Variants in IL19 observed in about 807,000 individuals in gnomAD.
IL19 encodes the protein interleukin-19.
Under a neutral mutation model 19.5 loss-of-function variants are expected in IL19, and 15 were observed. That is an observed-to-expected ratio of 0.77 (90% CI 0.52 to 1.19). The LOEUF (loss-of-function observed/expected upper bound fraction) is 1.19. IL19 is among the 50% of genes most tolerant of loss of function. The pLI is 0.00. For synonymous variants in IL19, 78 were observed against 78.3 expected (o/e 1.00, Z 0.02); for missense variants, 199 against 213.1 (o/e 0.93, Z 0.41).
chr1:206,819,498 C>T (rs1180548393), intron 2 of IL19, among the ~76,000 whole-genome samples: 3 of 151,796 alleles, frequency 2.0e-5, no homozygotes, highest in Admixed American at 6.6e-5. Flanking sequence ...GCAGAAGAAT[C>T]CCTTGAACCT....
Position 206,789,138 on chromosome 1 carries a change from C to T in IL19, c.-148-9723C>T, listed in dbSNP as rs535477762. Among the ~76,000 whole-genome samples the T allele has an allele frequency of 1.1e-4, 17 of 152,300 alleles. 2 individuals carry two copies. In the South Asian group the frequency reaches 3.5e-3, roughly 32 times the overall value. ...TGTAGGGTTAGATAGAGAGGACTGA[C>T]TGGAAAGTGATTTGATGATCTGAAG... On this transcript the variant is annotated intron_variant, in intron 1 of 6. Coordinates refer to ENST00000659997, the MANE Select transcript of IL19 (RefSeq NM_153758.5).
chr1:206,836,573 G>A, intron 2 of IL19, 88 bp from the exon 3 acceptor site: 9 of 1,280,666 alleles, frequency 7.0e-6, no homozygotes, highest in Admixed American at 4.6e-5. Context: ...GCTTGCCTTC[G>A]AGGCTGGAAA....
chr1:206,777,652 G>C (rs1268548252), intron 1 of IL19, among the ~76,000 whole-genome samples: 2 of 152,212 alleles, frequency 1.3e-5, no homozygotes, highest in South Asian at 2.1e-4. Flanking sequence ...GCAGAGAGCA[G>C]GCAGGTTGAC....
intron 1 of IL19, among the ~76,000 whole-genome samples, chr1:206,796,533 C>T (rs1675526829): frequency 6.6e-6 from 1 of 152,106 alleles, no homozygotes; most frequent in African/African-American, 2.4e-5. Context: ...AATAATGGAC[C>T]ACATATATGA....
rs79618849 is a variant in IL19 at position 206,809,227 on chromosome 1, C to T, written c.-3+10221C>T. Among the ~76,000 whole-genome samples, 50 of 152,246 alleles carry T rather than the reference C, an allele frequency of 3.3e-4. No homozygotes were observed. The East Asian group carries it at 8.9e-3, about 27-fold the overall frequency. ...TCTGCTATTTGCTATCTGTGTAAAC[C>T]CAAGCTGGTTCATTATCTTAAGACT... On this transcript the variant is annotated intron_variant, in intron 2 of 6. Transcript: ENST00000659997.
At chr1:206,821,407 TATC>T (rs1176795366) in intron 2 of IL19, among the ~76,000 whole-genome samples, 1 of 152,248 alleles carries the variant, frequency 6.6e-6, no homozygotes, top group East Asian at 1.9e-4. Context: ...TTGTTGCTAT[TATC>T]ATTGTTACGA....
intron 1 of IL19, among the ~76,000 whole-genome samples, chr1:206,780,745 T>C (rs1168210782): frequency 6.6e-6 from 1 of 152,182 alleles, no homozygotes; most frequent in African/African-American, 2.4e-5. Context: ...ATGCAATTCT[T>C]TTTCAGATCA....
intron 2 of IL19, among the ~76,000 whole-genome samples, chr1:206,831,441 G>C (rs1676607686): frequency 6.6e-6 from 1 of 152,108 alleles, no homozygotes; most frequent in Admixed American, 6.5e-5. Context: ...TTGCAATCCT[G>C]GGAAAGATGC....
intron 1 of IL19, among the ~76,000 whole-genome samples, chr1:206,786,077 C>A (rs182812012): frequency 3.0e-4 from 46 of 152,152 alleles, no homozygotes; most frequent in Non-Finnish European, 5.6e-4. Flanking sequence ...AGCAAGCTGG[C>A]CTCACCAAAG....
intron 1 of IL19, among the ~76,000 whole-genome samples, chr1:206,777,360 T>C (rs1216003368): frequency 7.1e-6 from 1 of 140,626 alleles, no homozygotes; most frequent in Non-Finnish European, 1.5e-5. Flanking sequence ...TGAGCCGAGA[T>C]CGCGTCACTG....
intron 2 of IL19, among the ~76,000 whole-genome samples, chr1:206,831,122 A>C (rs1676597273): frequency 6.6e-6 from 1 of 152,210 alleles, no homozygotes; most frequent in Admixed American, 6.5e-5. Context: ...AGTACTTAGG[A>C]ATGGCCAGGA....
chr1:206,842,734 A>G lies in IL19; in HGVS notation c.*112A>G. On this transcript the variant is annotated 3_prime_UTR_variant, in exon 7 of 7. Transcript: ENST00000659997. ...ATGGGGAAGGCCCCTTGCAGCTGAA[A>G]GTCCCACTGGCTGGCCTCAGGCTGT... The G allele has an allele frequency of 4.7e-6, 3 of 639,110 alleles. No homozygotes were observed. Among genetic ancestry groups the G allele is most frequent in the Non-Finnish European group, 8.1e-6 (3 of 368,650 alleles). The allele number at this position is 639,110 out of a possible 1,614,324, so 39.6% of individuals were successfully genotyped here.
intron 1 of IL19, among the ~76,000 whole-genome samples, chr1:206,788,901 A>G (rs1675324964): frequency 6.6e-6 from 1 of 152,146 alleles, no homozygotes; most frequent in African/African-American, 2.4e-5. Context: ...TTGCTAAGTT[A>G]TTCTCTGTTG....
At chr1:206,832,876 G>T (rs1191160815) in intron 2 of IL19, among the ~76,000 whole-genome samples, 1 of 152,134 alleles carries the variant, frequency 6.6e-6, no homozygotes, top group Non-Finnish European at 1.5e-5. Context: ...AGTCCCTGGG[G>T]TTTCTTTCCC....
At chr1:206,812,023 C>T (rs1037090558) in intron 2 of IL19, among the ~76,000 whole-genome samples, 1 of 152,160 alleles carries the variant, frequency 6.6e-6, no homozygotes, top group South Asian at 2.1e-4. Flanking sequence ...CTGGTACAAC[C>T]ACATATGCTA....
chr1:206,838,487 C>A (rs1277574013), intron 4 of IL19, among the ~76,000 whole-genome samples: 6 of 152,142 alleles, frequency 3.9e-5, no homozygotes, highest in Admixed American at 3.9e-4. Flanking sequence ...AATATTCTAG[C>A]CAACTGTATT....
At chr1:206,784,621 A>AG (rs1675223651) in intron 1 of IL19, among the ~76,000 whole-genome samples, 2 of 152,178 alleles carry the variant, frequency 1.3e-5, no homozygotes, top group African/African-American at 2.4e-5. Context: ...TCCACTTGGT[A>AG]GGGGAGGACG....
chr1:206,834,307 C>T (rs1676711224), intron 2 of IL19: 1 of 985,606 alleles, frequency 1.0e-6, no homozygotes, highest in Non-Finnish European at 1.2e-6. Flanking sequence ...AGCATTTCCT[C>T]TTATCCACCT....
Position 206,770,893 on chromosome 1 carries a change from G to T in IL19, c.-334G>T. 1 of 1,613,684 alleles carries T rather than the reference G, an allele frequency of 6.2e-7. No individual in the cohort carries two copies. Among genetic ancestry groups the T allele is most frequent in the Non-Finnish European group, 8.5e-7 (1 of 1,179,594 alleles). On this transcript the variant is annotated 5_prime_UTR_variant, in exon 1 of 7. Transcript: ENST00000659997. Reference sequence around the variant, plus strand: ...GGGGGCAGCTGCAAGGGAAAAAACTGATCTGCTACTTACACAGCGCCGTAG... The same window carrying T: ...GGGGGCAGCTGCAAGGGAAAAAACTTATCTGCTACTTACACAGCGCCGTAG...
Sources: gnomAD v4.1 joint callset for allele counts (sites outside exome capture counted in the v4.1 genomes callset) on GRCh38, gnomAD v4.1.1 for gene constraint, MANE v1.5 for transcripts, NCBI Gene and HGNC (gene_info 2026-07-23, HGNC 2026-07-21) for gene names.